Variants in NAP1L1 observed in about 807,000 individuals in gnomAD.
NAP1L1 encodes nucleosome assembly protein 1 like 1, also known as nucleosome assembly protein 1-like 1.
A neutral mutation model predicts 58.9 loss-of-function variants in NAP1L1; 9 were observed. The observed-to-expected ratio is 0.15, with a 90% CI of 0.09 to 0.27. NAP1L1 has a LOEUF of 0.27. Ranked by LOEUF, NAP1L1 falls within the 10% of genes least tolerant of loss-of-function variation. NAP1L1 has a pLI of 1.00. For synonymous variants in NAP1L1, 130 were observed against 138.3 expected, an observed-to-expected ratio of 0.94 and a Z score of 0.42; for missense variants, 302 against 458.8, an observed-to-expected ratio of 0.66 and a Z score of 3.12.
chr12:76,073,387 T>G (rs1350030660), intron 2 of NAP1L1, among the ~76,000 whole-genome samples: 1 of 152,182 alleles, frequency 6.6e-6, no homozygotes, highest in East Asian at 1.9e-4. Context: ...CCATTCTTCC[T>G]GACCCTGTTT....
Position 76,084,619 on chromosome 12 carries a change from G to GGGCGGCAGCGGC in NAP1L1, c.-85_-74dup, listed in dbSNP as rs1950544722. ...CCGGAGCTGCGCAGGCAGTGACTCA[G>GGGCGGCAGCGGC]GGCGGCAGCGGCAGCAGCAGCGGGA... On this transcript the variant is annotated 5_prime_UTR_variant, in exon 1 of 15. Coordinates refer to ENST00000618691, the MANE Select transcript of NAP1L1 (RefSeq NM_004537.7). 1 of 153,556 alleles carries GGGCGGCAGCGGC rather than the reference G, an allele frequency of 6.5e-6. No homozygotes were observed. The highest frequency in any genetic ancestry group is 1.4e-5 in the Non-Finnish European group (1 of 69,102). 9.5% of individuals were successfully genotyped at this position (153,556 alleles called of 1,614,324 possible). A position where few individuals can be genotyped will look rare whatever the true frequency, so the allele number is the denominator to read the frequency against.
At position 76,041,624 on chromosome 12, in the gene NAP1L1, G is replaced by GT. The variant is rs1343655604; in HGVS notation, c.*6804dup. The GT allele has an allele frequency of 6.6e-5, 10 of 152,220 alleles. No individual in the cohort carries two copies. The highest frequency in any genetic ancestry group is 1.2e-4 in the Non-Finnish European group (8 of 68,046). The allele number at this position is 152,220 out of a possible 1,614,324, so 9.4% of individuals were successfully genotyped here. On this transcript the variant is annotated 3_prime_UTR_variant, in exon 15 of 15. Transcript: ENST00000618691. Reference sequence around the variant, plus strand: ...TAGTTAAGTGCGGCAGCTCCCACTTGTAAGCATAGCACCTCAGGAGGTTGA... The same window carrying GT: ...TAGTTAAGTGCGGCAGCTCCCACTTGTTAAGCATAGCACCTCAGGAGGTTGA...
chr12:76,059,952 G>A, intron 5 of NAP1L1, 74 bp from the exon 6 acceptor site: 1 of 1,307,738 alleles, frequency 7.6e-7, no homozygotes, highest in East Asian at 2.3e-5. Flanking sequence ...TTCTCACTAA[G>A]AAGTCTTACA....
At position 76,048,204 on chromosome 12, in the gene NAP1L1, G is replaced by T. The variant is rs1056878830; in HGVS notation, c.*225C>A. 2.9e-5 allele frequency: 13 copies of T among 450,860 alleles called. No individual in the cohort carries two copies. The highest frequency in any genetic ancestry group is 2.6e-4 in the African/African-American group (13 of 49,756). The allele number at this position is 450,860 out of a possible 1,614,324, so 27.9% of individuals were successfully genotyped here. ...CAGAAGAACCAAATTATGTAGCAATGAATGAACATGCGTGACAGAATTTGT... is the reference window on the plus strand; with the variant it reads ...CAGAAGAACCAAATTATGTAGCAATTAATGAACATGCGTGACAGAATTTGT... On this transcript the variant is annotated 3_prime_UTR_variant, in exon 15 of 15. Transcript: ENST00000618691.
chr12:76,072,176 G>C (rs1949979824), intron 2 of NAP1L1, among the ~76,000 whole-genome samples: 1 of 148,870 alleles, frequency 6.7e-6, no homozygotes, highest in Admixed American at 6.8e-5. Flanking sequence ...TTTGAGGAAA[G>C]CATCCTAGAT....
chr12:76,047,292 T>A lies in NAP1L1; in HGVS notation c.*1137A>T, dbSNP rs1366500157. The stretch of plus-strand genomic sequence containing the variant: ...ACAGAAGCACGGGTAAGTGACATAC[T>A]CATACTTTAAGCAATAAGAATTAGA... On this transcript the variant is annotated 3_prime_UTR_variant, in exon 15 of 15. Transcript: ENST00000618691. The A allele has an allele frequency of 6.6e-6, 1 of 152,354 alleles. No individual in the cohort carries two copies. The highest frequency in any genetic ancestry group is 2.4e-5 in the African/African-American group (1 of 41,428). 9.4% of individuals were successfully genotyped at this position (152,354 alleles called of 1,614,324 possible). A position where few individuals can be genotyped will look rare whatever the true frequency, so the allele number is the denominator to read the frequency against.
At chr12:76,057,677 T>C (rs1451612346) in intron 6 of NAP1L1, 15 of 1,473,156 alleles carry the variant, frequency 1.0e-5, no homozygotes, top group East Asian at 2.4e-5. Flanking sequence ...TGTGAATATA[T>C]GCCTGATGTT....
intron 6 of NAP1L1, chr12:76,058,189 G>T: frequency 2.7e-6 from 1 of 374,742 alleles, no homozygotes; most frequent in Non-Finnish European, 4.8e-6. Context: ...AGGGAGAGAG[G>T]CCTACATATA....
At position 76,060,197 on chromosome 12, in the gene NAP1L1, C is replaced by T. The variant is rs1728715594; in HGVS notation, c.289G>A (p.Glu97Lys). 1 of 1,613,286 alleles carries T rather than the reference C, an allele frequency of 6.2e-7. No homozygotes were observed. Among genetic ancestry groups the T allele is most frequent in the South Asian group, 1.1e-5 (1 of 91,064 alleles). Reference sequence around the variant, plus strand: ...TTCCTTTCAAGATCGTGAACTTCCTCATAGAATTTGGCTTCTATCTGTGCA... The same window carrying T: ...TTCCTTTCAAGATCGTGAACTTCCTTATAGAATTTGGCTTCTATCTGTGCA... Reference protein sequence around the residue: ...KCAQIEAKFYEEVHDLERKYA... With the variant: ...KCAQIEAKFYKEVHDLERKYA... The change falls in exon 5 of 15, where the codon GAG (glutamate) becomes AAG (lysine). Residue 97 changes from glutamate to lysine, a missense_variant. Transcript: ENST00000618691.
rs1565704729 is a variant in NAP1L1 at position 76,038,520 on chromosome 12, G to A, written c.*9909C>T. ...TTTCTTAGGTGATAGAGGACATATA[G>A]CAGTGAGTGTAGACAATTCCTCCCA... On this transcript the variant is annotated 3_prime_UTR_variant, in exon 15 of 15. Transcript: ENST00000618691. 6.6e-6 allele frequency: 1 copy of A among 152,156 alleles called. No homozygotes were observed. The highest frequency in any genetic ancestry group is 1.5e-5 in the Non-Finnish European group (1 of 68,040). The allele number at this position is 152,156 out of a possible 1,614,324, so 9.4% of individuals were successfully genotyped here.
At chr12:76,062,129 C>T (rs1157836233) in intron 4 of NAP1L1, among the ~76,000 whole-genome samples, 1 of 152,216 alleles carries the variant, frequency 6.6e-6, no homozygotes, top group African/African-American at 2.4e-5. Context: ...TGTCTGTCAT[C>T]TTCACCCTTC....
Position 76,053,331 on chromosome 12 carries a change from T to G in NAP1L1, c.790A>C (p.Lys264Gln), listed in dbSNP as rs781158577. The change falls in exon 10 of 15, where the codon AAA becomes CAA. Residue 264 changes from lysine to glutamine, a missense_variant. Coordinates refer to ENST00000618691, the MANE Select transcript of NAP1L1 (RefSeq NM_004537.7). Reference protein sequence around the residue: ...GCTGCQIDWKKGKNVTLKTIK... With the variant: ...GCTGCQIDWKQGKNVTLKTIK... ...GTTTTCAAAGTGACATTCTTTCCTT[T>G]TTTCCAATCTATCTGGCACCTTGCA... 6.2e-7 allele frequency: 1 copy of G among 1,613,746 alleles called. No individual in the cohort carries two copies. The highest frequency in any genetic ancestry group is 1.3e-5 in the African/African-American group (1 of 74,926).
intron 3 of NAP1L1, among the ~76,000 whole-genome samples, chr12:76,068,422 T>TA (rs1949782621): frequency 6.6e-6 from 1 of 152,086 alleles, no homozygotes; most frequent in Admixed American, 6.6e-5. Flanking sequence ...AGACATACCC[T>TA]AAGTAGTACA....
At chr12:76,071,064 G>T (rs1949931517) in intron 2 of NAP1L1, among the ~76,000 whole-genome samples, 1 of 152,060 alleles carries the variant, frequency 6.6e-6, no homozygotes, top group East Asian at 1.9e-4. Flanking sequence ...ATTTATTATT[G>T]TGCTGTTATA....
chr12:76,071,715 TA>T (rs1351250644), intron 2 of NAP1L1, among the ~76,000 whole-genome samples: 1 of 152,044 alleles, frequency 6.6e-6, no homozygotes, highest in Non-Finnish European at 1.5e-5. Flanking sequence ...AACAAGAAAG[TA>T]AAAACTGATA....
chr12:76,050,395 T>A, intron 12 of NAP1L1, 136 bp downstream of exon 12: 5 of 1,071,572 alleles, frequency 4.7e-6, no homozygotes, highest in Non-Finnish European at 6.5e-6. Context: ...AGAAAAGCTA[T>A]ATACAGAACA....
chr12:76,055,667 T>C (rs913748264), intron 7 of NAP1L1, among the ~76,000 whole-genome samples: 2 of 152,204 alleles, frequency 1.3e-5, no homozygotes, highest in Admixed American at 6.5e-5. Context: ...TTTATGGTAT[T>C]CTTTTAAAAT....
chr12:76,053,945 T>C (rs368013397), intron 8 of NAP1L1, 36 bp from the exon 9 acceptor site: 7 of 1,576,208 alleles, frequency 4.4e-6, no homozygotes, highest in Non-Finnish European at 5.1e-6. Flanking sequence ...GTTAAATACC[T>C]ACCTCACATA....
At chr12:76,070,633 G>A (rs1365129737) in intron 2 of NAP1L1, among the ~76,000 whole-genome samples, 2 of 152,134 alleles carry the variant, frequency 1.3e-5, no homozygotes, top group Admixed American at 6.5e-5. Context: ...GAACACAGAT[G>A]CACTACATTT....
Sources: gnomAD v4.1 joint callset for allele counts (sites outside exome capture counted in the v4.1 genomes callset) on GRCh38, gnomAD v4.1.1 for gene constraint, MANE v1.5 for transcripts, NCBI Gene and HGNC (gene_info 2026-07-23, HGNC 2026-07-21) for gene names.